The following BBS2 variants were observed in gnomAD, a reference collection of about 807,000 sequenced individuals.
BBS2 encodes the protein Bardet-Biedl syndrome 2, also known as BBSome complex member BBS2.
BBS2 carries 62 observed loss-of-function variants against 83.0 expected under a neutral mutation model. The observed-to-expected ratio is 0.75, with a 90% CI of 0.61 to 0.92. BBS2 has a LOEUF of 0.92. Ranked by LOEUF, BBS2 falls within the 40% of genes least tolerant of loss-of-function variation. The pLI is 0.00. For missense variants in BBS2, 784 were observed against 901.0 expected (o/e 0.87, Z 1.66); for synonymous variants, 303 against 326.1 (o/e 0.93, Z 0.76).
chr16:56,520,006 A>G lies in BBS2; in HGVS notation c.-144T>C. Reference sequence around the variant, plus strand: ...CCGGACGCGAAACAGCCCGGGACGAACCCGTCCAGGTACCGCCTGCTCCTC... The same window carrying G: ...CCGGACGCGAAACAGCCCGGGACGAGCCCGTCCAGGTACCGCCTGCTCCTC... On this transcript the variant is annotated 5_prime_UTR_variant, in exon 1 of 17. Coordinates refer to ENST00000245157, the MANE Select transcript of BBS2 (RefSeq NM_031885.5). The G allele has an allele frequency of 2.8e-6, 2 of 726,562 alleles. No homozygotes were observed. Among genetic ancestry groups the G allele is most frequent in the Non-Finnish European group, 4.9e-6 (2 of 409,182 alleles). The allele number at this position is 726,562 out of a possible 1,614,324, so 45.0% of individuals were successfully genotyped here.
Position 56,499,947 on chromosome 16 carries a change from T to C in BBS2, c.1398-40A>G, listed in dbSNP as rs754976981. On this transcript the variant is annotated intron_variant, in intron 11 of 16. Coordinates refer to ENST00000245157, the MANE Select transcript of BBS2 (RefSeq NM_031885.5). ...TGAAACACAAGAGAATTGTTTTGTA[T>C]AGAATGTTCTTTCAAAATGCAAGGC... 7 of 1,612,106 alleles carry C rather than the reference T, an allele frequency of 4.3e-6. No individual in the cohort carries two copies. In the South Asian group the frequency reaches 5.5e-5, roughly 13 times the overall value.
chr16:56,494,661 T>C (rs1335148117), intron 15 of BBS2, among the ~76,000 whole-genome samples: 1 of 152,050 alleles, frequency 6.6e-6, no homozygotes, highest in Non-Finnish European at 1.5e-5. Context: ...GCCCACAGAC[T>C]GGAAAATCTA....
intron 17 of BBS2, among the ~76,000 whole-genome samples, chr16:56,471,579 C>T (rs559650657): frequency 2.6e-5 from 4 of 152,336 alleles, no homozygotes; most frequent in Admixed American, 2.0e-4. Flanking sequence ...GTGAGAACAT[C>T]TGTCACCCAG....
At chr16:56,475,091 AT>A in intron 17 of BBS2, 1 of 846,744 alleles carries the variant, frequency 1.2e-6, no homozygotes, top group Non-Finnish European at 1.8e-6. Context: ...AGTCAAAGGG[AT>A]TTTACGGGTC....
rs376115616 is a variant in BBS2, at chr16:56,499,851, G to C, written c.1454C>G (p.Ala485Gly). Reference protein sequence around the residue: ...TRQLPRFSMYALTSLDPASEP... With the variant: ...TRQLPRFSMYGLTSLDPASEP... ...ACTGGCAGGGTCCAGGCTGGTCAGC[G>C]CATACATGGAGAATCGAGGGAGCTG... Residue 485 changes from alanine to glycine, a missense_variant, in exon 12 of 17, where the codon GCG becomes GGG. By Grantham distance (60) the Ala-to-Gly change is moderately conservative (BLOSUM62 0). Transcript: ENST00000245157. The C allele has an allele frequency of 1.9e-5, 31 of 1,614,014 alleles. No homozygotes were observed. Among genetic ancestry groups the C allele is most frequent in the Non-Finnish European group, 2.6e-5 (31 of 1,180,016 alleles).
In BBS2 at chr16:56,502,343, G is replaced by A; in HGVS notation, c.1054C>T (p.Leu352Phe). The A allele has an allele frequency of 6.2e-7, 1 of 1,614,164 alleles. No individual in the cohort carries two copies. The highest frequency in any genetic ancestry group is 8.5e-7 in the Non-Finnish European group (1 of 1,180,028). ...TTGGCATTTTCCTCATAGTTACGGAGTTCCAGCAACAGATTCTGCTTCTTC... is the reference window on the plus strand; with the variant it reads ...TTGGCATTTTCCTCATAGTTACGGAATTCCAGCAACAGATTCTGCTTCTTC... ...SQKKQNLLLE[L>F]RNYEENAKAE... is the part of the protein sequence containing the mutation. The change falls in exon 9 of 17, where the codon CTC becomes TTC. Residue 352 changes from leucine to phenylalanine, a missense_variant. Coordinates refer to ENST00000245157, the MANE Select transcript of BBS2 (RefSeq NM_031885.5).
In BBS2 at chr16:56,506,026, T is replaced by A. The variant is rs1964412928; in HGVS notation, c.728A>T (p.His243Leu). Residue 243 changes from histidine to leucine, a missense_variant, in exon 7 of 17, where the codon CAT becomes CTT. By Grantham distance (99) the His-to-Leu change is moderately conservative. Transcript: ENST00000245157. Reference protein sequence around the residue: ...SRYWRIKSKNHAMSIHAFDLN... With the variant: ...SRYWRIKSKNLAMSIHAFDLN... ...GTCAAAAGCATGAATGCTCATGGCA[T>A]GATTTTTCGACTGAAAAAGAATTTT... 1 of 1,613,922 alleles carries A rather than the reference T, an allele frequency of 6.2e-7. No individual in the cohort carries two copies. The highest frequency in any genetic ancestry group is 1.3e-5 in the African/African-American group (1 of 74,934).
intron 17 of BBS2, chr16:56,474,880 C>G (rs1175235551): frequency 1.9e-6 from 3 of 1,613,056 alleles, no homozygotes; most frequent in Non-Finnish European, 2.5e-6. Context: ...AGACCGGTCA[C>G]TACACTTTAA....
intron 1 of BBS2, among the ~76,000 whole-genome samples, chr16:56,517,294 C>T (rs1244627519): frequency 2.0e-5 from 3 of 152,236 alleles, no homozygotes; most frequent in African/African-American, 7.2e-5. Context: ...CCATGGCCTA[C>T]AAGTTCCTAT....
intron 15 of BBS2, among the ~76,000 whole-genome samples, chr16:56,494,209 C>T (rs1446227878): frequency 1.4e-5 from 2 of 144,632 alleles, no homozygotes; most frequent in Non-Finnish European, 3.0e-5. Context: ...CTCATGTGAT[C>T]CTCCCACCTC....
At chr16:56,511,321 A>G in intron 2 of BBS2, 37 bp from the exon 3 acceptor site, 1 of 1,611,812 alleles carries the variant, frequency 6.2e-7, no homozygotes, top group Non-Finnish European at 8.5e-7. Context: ...CTTAGACACG[A>G]TAATATGCAG....
At chr16:56,515,445 A>G (rs1964707437) in intron 1 of BBS2, among the ~76,000 whole-genome samples, 1 of 152,166 alleles carries the variant, frequency 6.6e-6, no homozygotes, top group Non-Finnish European at 1.5e-5. Context: ...ACAGTACAAA[A>G]AGAGATACAA....
intron 15 of BBS2, among the ~76,000 whole-genome samples, chr16:56,486,896 G>T (rs1219115347): frequency 6.6e-6 from 1 of 151,802 alleles, no homozygotes; most frequent in African/African-American, 2.4e-5. Context: ...CTGAATAGGT[G>T]GGATTACAGG....
At chr16:56,510,752 C>G in intron 4 of BBS2, 107 bp downstream of exon 4, 1 of 1,241,934 alleles carries the variant, frequency 8.1e-7, no homozygotes, top group Non-Finnish European at 1.2e-6. Context: ...CAACAGAGCA[C>G]CAAAATCAGC....
At position 56,514,603 on chromosome 16, in the gene BBS2, A is replaced by G; in HGVS notation, c.195T>C (p.Asp65=). 6.2e-7 allele frequency: 1 copy of G among 1,614,206 alleles called. No individual in the cohort carries two copies. The highest frequency in any genetic ancestry group is 8.5e-7 in the Non-Finnish European group (1 of 1,180,012). The change falls in exon 2 of 17, where the codon GAT becomes GAC. Residue 65 remains aspartate, a synonymous_variant. Coordinates refer to ENST00000245157, the MANE Select transcript of BBS2 (RefSeq NM_031885.5). ...CCTGGTTAATGCTGAGAAGAGAAAC[A>G]TCAGATTCCAGGGGGCTCTGGAAGA... The part of the protein sequence containing the change: ...SRVFQSPLES[D]VSLLSINQAV...
At chr16:56,478,009 C>A (rs900068960) in intron 17 of BBS2, 7 of 152,128 alleles carry the variant, frequency 4.6e-5, no homozygotes, top group Non-Finnish European at 8.8e-5. Flanking sequence ...ATATTTTACA[C>A]ATGTAGTAAT....
At chr16:56,471,310 C>T (rs1162090295) in intron 17 of BBS2, among the ~76,000 whole-genome samples, 3 of 149,736 alleles carry the variant, frequency 2.0e-5, no homozygotes, top group South Asian at 2.1e-4. Flanking sequence ...TGCAGTGAGT[C>T]GAGATTGCAC....
rs773298082 is a variant in BBS2, at chr16:56,500,887, A to C, written c.1364T>G (p.Leu455Arg). ...GTAACCCACGAATGCCTTCAAGTGC[A>C]GATCCACAGGGACATCTTTGGGAGG... ...IVPPKDVPVD[L>R]HLKAFVGYRS... is the part of the protein sequence containing the mutation. The change falls in exon 11 of 17, where the codon CTG becomes CGG. Residue 455 changes from leucine (L) to arginine (R), a missense_variant. By Grantham distance (102) the Leu-to-Arg change is moderately radical (BLOSUM62 -2). Coordinates refer to ENST00000245157, the MANE Select transcript of BBS2 (RefSeq NM_031885.5). 5 of 1,614,234 alleles carry C rather than the reference A, an allele frequency of 3.1e-6. No individual in the cohort carries two copies. The highest frequency in any genetic ancestry group is 3.4e-6 in the Non-Finnish European group (4 of 1,180,038).
chr16:56,501,089 T>C lies in BBS2; in HGVS notation c.1226-64A>G, dbSNP rs1020624438. 1.0e-5 allele frequency: 16 copies of C among 1,562,690 alleles called. No individual in the cohort carries two copies. In the African/African-American group the frequency reaches 2.0e-4, roughly 20 times the overall value. On this transcript the variant is annotated intron_variant, in intron 10 of 16. Transcript: ENST00000245157. ...ACTTTGGGAAGCTGAGGTGGGCAGA[T>C]CACGAGGTCAGGAGGTCGAGACCAT...
Sources: allele counts gnomAD v4.1 joint callset (sites outside exome capture counted in the v4.1 genomes callset), GRCh38; gene constraint gnomAD v4.1.1; transcripts MANE v1.5; gene names NCBI Gene and HGNC (gene_info 2026-07-23, HGNC 2026-07-21).